GRXCR1: variants seen among roughly 807,000 people sequenced by gnomAD.
GRXCR1 encodes glutaredoxin domain-containing cysteine-rich protein 1.
In GRXCR1, 27 loss-of-function variants were observed where a neutral mutation model predicts 27.3. The observed-to-expected ratio is 0.99, with a 90% CI of 0.73 to 1.37. The LOEUF is 1.37. Ranked by LOEUF, GRXCR1 falls within the 40% of genes most tolerant of loss-of-function variation. The pLI is 0.00. For synonymous variants in GRXCR1, 122 were observed against 131.1 expected, an observed-to-expected ratio of 0.93 and a Z score of 0.47; for missense variants, 379 against 354.4, an observed-to-expected ratio of 1.07 and a Z score of -0.56.
At chr4:43,004,665 G>T (rs988746574) in intron 2 of GRXCR1, among the ~76,000 whole-genome samples, 61 of 152,186 alleles carry the variant, frequency 4.0e-4, no homozygotes, top group African/African-American at 1.4e-3. Context: ...TTTCATAACT[G>T]CCCTGCTGGG....
intron 3 of GRXCR1, among the ~76,000 whole-genome samples, chr4:43,023,856 T>C (rs553504552): frequency 2.0e-5 from 3 of 152,304 alleles, no homozygotes; most frequent in East Asian, 1.9e-4. Flanking sequence ...TATAAAAGAA[T>C]GTGTGGCTGA....
chr4:42,984,137 A>T (rs1711600160), intron 2 of GRXCR1, among the ~76,000 whole-genome samples: 1 of 152,174 alleles, frequency 6.6e-6, no homozygotes, highest in African/African-American at 2.4e-5. Context: ...TGCCCAGCCC[A>T]CAGATACATT....
chr4:42,999,948 T>C (rs535070766), intron 2 of GRXCR1, among the ~76,000 whole-genome samples: 1 of 152,338 alleles, frequency 6.6e-6, no homozygotes, highest in Admixed American at 6.5e-5. Context: ...ATACACAGTA[T>C]TCCCCAAACA....
At chr4:42,969,369 A>T (rs1249997075) in intron 2 of GRXCR1, among the ~76,000 whole-genome samples, 1 of 152,150 alleles carries the variant, frequency 6.6e-6, no homozygotes, top group Non-Finnish European at 1.5e-5. Flanking sequence ...TGGGTAATTT[A>T]TGAAGAAAAG....
chr4:42,989,449 A>G (rs1006956871), intron 2 of GRXCR1, among the ~76,000 whole-genome samples: 6 of 152,220 alleles, frequency 3.9e-5, no homozygotes, highest in African/African-American at 1.4e-4. Context: ...GTTAGGGCTT[A>G]AACATATGAA....
chr4:42,929,733 C>A (rs1340993907), intron 1 of GRXCR1, among the ~76,000 whole-genome samples: 2 of 151,896 alleles, frequency 1.3e-5, no homozygotes, highest in African/African-American at 4.8e-5. Flanking sequence ...ATGACCCAAG[C>A]TGCCCCCATC....
chr4:42,892,944 C>T lies in GRXCR1; in HGVS notation c.-323C>T, dbSNP rs1455038520. Among the ~76,000 whole-genome samples, 2 of 152,064 alleles carry T rather than the reference C, an allele frequency of 1.3e-5. No homozygotes were observed. Among genetic ancestry groups the T allele is most frequent in the African/African-American group, 2.4e-5 (1 of 41,430 alleles). On this transcript the variant is annotated 5_prime_UTR_variant, in exon 1 of 4. Coordinates refer to ENST00000399770, the MANE Select transcript of GRXCR1 (RefSeq NM_001080476.3). ...AAGTTCAAGCCTTTCATTTTCTTGC[C>T]CCATACATATTTTCAGATTCGCTGC...
At chr4:42,989,160 C>A (rs1397809668) in intron 2 of GRXCR1, among the ~76,000 whole-genome samples, 1 of 152,178 alleles carries the variant, frequency 6.6e-6, no homozygotes, top group Admixed American at 6.6e-5. Flanking sequence ...ACGGGTATAA[C>A]AAAATGCCAT....
intron 1 of GRXCR1, among the ~76,000 whole-genome samples, chr4:42,944,472 T>C (rs1747697547): frequency 6.6e-6 from 1 of 152,272 alleles, no homozygotes; most frequent in South Asian, 2.1e-4. Flanking sequence ...GGAATGCCAG[T>C]AATTAATAAC....
intron 3 of GRXCR1, among the ~76,000 whole-genome samples, chr4:43,025,407 T>G (rs1713222319): frequency 6.6e-6 from 1 of 152,216 alleles, no homozygotes; most frequent in Non-Finnish European, 1.5e-5. Context: ...TGGAATGGAA[T>G]GAATAAGTAA....
At chr4:42,950,699 A>G (rs551049640) in intron 1 of GRXCR1, among the ~76,000 whole-genome samples, 3 of 152,284 alleles carry the variant, frequency 2.0e-5, no homozygotes, top group Non-Finnish European at 2.9e-5. Flanking sequence ...GATTTTACAT[A>G]TAATCCTACA....
At chr4:43,011,621 A>G (rs555603829) in intron 2 of GRXCR1, among the ~76,000 whole-genome samples, 2 of 152,212 alleles carry the variant, frequency 1.3e-5, no homozygotes, top group East Asian at 3.9e-4. Flanking sequence ...TTTTTAATAA[A>G]ATTCTTTGGG....
intron 1 of GRXCR1, among the ~76,000 whole-genome samples, chr4:42,939,352 T>C (rs1747547914): frequency 6.6e-6 from 1 of 152,090 alleles, no homozygotes; most frequent in Non-Finnish European, 1.5e-5. Context: ...ACGTTGATTT[T>C]TATCCTGCAA....
At chr4:42,900,574 T>A (rs1395039322) in intron 1 of GRXCR1, among the ~76,000 whole-genome samples, 1 of 152,132 alleles carries the variant, frequency 6.6e-6, no homozygotes, top group Non-Finnish European at 1.5e-5. Flanking sequence ...AAACTCTGTA[T>A]AAGCTTGACT....
intron 1 of GRXCR1, among the ~76,000 whole-genome samples, chr4:42,934,855 G>T (rs1332352027): frequency 6.6e-6 from 1 of 151,924 alleles, no homozygotes; most frequent in African/African-American, 2.4e-5. Flanking sequence ...AAGCTTAGCA[G>T]CCAGGACAGA....
intron 1 of GRXCR1, among the ~76,000 whole-genome samples, chr4:42,896,229 A>G (rs1746343890): frequency 1.3e-5 from 2 of 152,270 alleles, no homozygotes; most frequent in Admixed American, 6.5e-5. Context: ...AAAAATTTCA[A>G]CTGCACAGAA....
intron 1 of GRXCR1, among the ~76,000 whole-genome samples, chr4:42,955,017 A>G (rs1372039402): frequency 1.3e-5 from 2 of 152,148 alleles, no homozygotes; most frequent in Non-Finnish European, 2.9e-5. Context: ...GGAGAGGGAG[A>G]GAGAGCGATA....
At chr4:42,924,479 G>A (rs554937313) in intron 1 of GRXCR1, among the ~76,000 whole-genome samples, 2 of 152,020 alleles carry the variant, frequency 1.3e-5, no homozygotes, top group Non-Finnish European at 2.9e-5. Flanking sequence ...TCCGCCCAAG[G>A]TTGTACATTT....
chr4:42,926,494 G>GTT (rs201952988), intron 1 of GRXCR1, among the ~76,000 whole-genome samples: 24,947 of 150,468 alleles, frequency 0.17, 2,301 homozygotes, highest in South Asian at 0.29. Flanking sequence ...TGGGAATACT[G>GTT]TTTTTTTTTT....
Sources: gnomAD v4.1 joint callset for allele counts (sites outside exome capture counted in the v4.1 genomes callset) on GRCh38, gnomAD v4.1.1 for gene constraint, MANE v1.5 for transcripts, NCBI Gene and HGNC (gene_info 2026-07-23, HGNC 2026-07-21) for gene names.